Variants in MIA2 observed in about 807,000 individuals in gnomAD.
MIA2 encodes MIA SH3 domain ER export factor 2.
In MIA2, 127 loss-of-function variants were observed where a neutral mutation model predicts 167.8. That is an observed-to-expected ratio of 0.76 (90% CI 0.66 to 0.88). The LOEUF is 0.88. Among genes scored for constraint, MIA2 ranks in the 40% least tolerant of loss-of-function variants. The probability of loss-of-function intolerance (pLI) is 0.00; values close to 1 mark genes in which losing one functional copy is unlikely to be tolerated. For missense variants in MIA2, 1,690 were observed against 1,624.7 expected (o/e 1.04, Z -0.69); for synonymous variants, 552 against 541.9 (o/e 1.02, Z -0.26).
intron 6 of MIA2, among the ~76,000 whole-genome samples, chr14:39,256,130 C>T (rs1394016840): frequency 6.6e-6 from 1 of 152,114 alleles, no homozygotes; most frequent in African/African-American, 2.4e-5. Context: ...TTTTCTGGAG[C>T]AAAAAGAAAC....
intron 13 of MIA2, among the ~76,000 whole-genome samples, chr14:39,298,399 C>T (rs2061731924): frequency 1.3e-5 from 1 of 78,730 alleles, no homozygotes; most frequent in South Asian, 5.2e-4. Flanking sequence ...TTACCTGTAT[C>T]ATCTGATTCT....
intron 21 of MIA2, 87 bp from the exon 22 acceptor site, chr14:39,317,857 A>C (rs1008021333): frequency 2.8e-5 from 23 of 835,088 alleles, no homozygotes; most frequent in Non-Finnish European, 3.7e-5. Flanking sequence ...ATTTTTAAGA[A>C]ATTTAATGAA....
chr14:39,247,848 A>G lies in MIA2; in HGVS notation c.1274A>G (p.Gln425Arg). ...LTSELDPEKE[Q>R]EIETIKIIET... ...AGTGAATTAGACCCTGAAAAAGAAC[A>G]AGAAATAGAAACGATAAAAATTATA... is the stretch of plus-strand genomic sequence containing the variant. Residue 425 changes from glutamine (Q) to arginine (R), a missense_variant, in exon 4 of 29, where the codon CAA (glutamine) becomes CGA (arginine). By Grantham distance (43) the Gln-to-Arg change is conservative. Transcript: ENST00000640607. 2 of 1,588,434 alleles carry G rather than the reference A, an allele frequency of 1.3e-6. No individual in the cohort carries two copies. Among genetic ancestry groups the G allele is most frequent in the Non-Finnish European group, 8.5e-7 (1 of 1,173,864 alleles).
chr14:39,277,573 T>A (rs1213097504), intron 7 of MIA2, among the ~76,000 whole-genome samples: 2 of 148,836 alleles, frequency 1.3e-5, no homozygotes, highest in African/African-American at 4.9e-5. Context: ...GGTCTCAAAC[T>A]CCTGGGCTCA....
intron 23 of MIA2, among the ~76,000 whole-genome samples, chr14:39,377,134 G>T (rs1334246930): frequency 6.6e-6 from 1 of 151,866 alleles, no homozygotes; most frequent in Non-Finnish European, 1.5e-5. Flanking sequence ...TTGTGGCTAG[G>T]ACAGTTTATT....
At chr14:39,235,039 GT>G (rs1221496521) in intron 1 of MIA2, among the ~76,000 whole-genome samples, 3,016 of 144,138 alleles carry the variant, frequency 0.021, 106 homozygotes, top group African/African-American at 0.07. Flanking sequence ...TACCTTTTTG[GT>G]TTTTTTTTTT....
At chr14:39,341,669 A>C (rs1428244602) in intron 25 of MIA2, among the ~76,000 whole-genome samples, 1 of 152,134 alleles carries the variant, frequency 6.6e-6, no homozygotes, top group Non-Finnish European at 1.5e-5. Flanking sequence ...TCTGAAGAGA[A>C]AAAAAGGTAT....
chr14:39,376,555 G>A (rs1352781379), intron 23 of MIA2, among the ~76,000 whole-genome samples: 3 of 152,160 alleles, frequency 2.0e-5, no homozygotes, highest in Admixed American at 6.5e-5. Context: ...ATAAGAGAAT[G>A]TACTATTTCA....
At chr14:39,237,719 T>C (rs1172493065) in intron 2 of MIA2, among the ~76,000 whole-genome samples, 2 of 152,154 alleles carry the variant, frequency 1.3e-5, no homozygotes, top group African/African-American at 2.4e-5. Context: ...CATTTCTTGG[T>C]GCTGCCAATG....
chr14:39,267,518 G>T lies in MIA2; in HGVS notation c.1888-9416G>T, dbSNP rs777045235. 22 of 1,613,472 alleles carry T rather than the reference G, an allele frequency of 1.4e-5. 1 individual carries two copies. The South Asian group carries it at 1.8e-4, about 13-fold the overall frequency. On this transcript the variant is annotated intron_variant, in intron 6 of 28. Transcript: ENST00000640607. ...TTGGGGCTGCTCCTGGAGGAGCTAC[G>T]CAGGGTGAGCCCAGGCGCGATGAGT...
chr14:39,387,336 G>C (rs985515946), exon 24 of MIA2: 2 of 174,232 alleles, frequency 1.1e-5, no homozygotes, highest in African/African-American at 4.8e-5. Flanking sequence ...CCATGTTTAA[G>C]GAGTCCATTC....
intron 11 of MIA2, 69 bp downstream of exon 11, chr14:39,293,450 T>A: frequency 9.5e-7 from 1 of 1,054,212 alleles, no homozygotes. Context: ...ATTAATATGA[T>A]ACTGGTTAAA....
intron 1 of MIA2, among the ~76,000 whole-genome samples, chr14:39,235,898 TATA>T (rs1288936139): frequency 6.6e-6 from 1 of 152,214 alleles, no homozygotes; most frequent in African/African-American, 2.4e-5. Context: ...TATAGAAATT[TATA>T]ATGTTATTTT....
At chr14:39,349,862 A>C (rs1008888416) in intron 28 of MIA2, among the ~76,000 whole-genome samples, 7 of 152,170 alleles carry the variant, frequency 4.6e-5, no homozygotes, top group African/African-American at 1.7e-4. Context: ...TTTAAAAAAC[A>C]GGTGTTAAGA....
chr14:39,267,367 GGTTCCGGACCGAAGGCTGTGT>G, intron 6 of MIA2: 1 of 1,591,324 alleles, frequency 6.3e-7, no homozygotes, highest in Non-Finnish European at 8.5e-7. Context: ...TGCGGATTCG[GGTTCCGGACCGAAGGCTGTGT>G]GTTCTCCGCC....
intron 4 of MIA2, among the ~76,000 whole-genome samples, chr14:39,250,242 T>C (rs1261780759): frequency 6.6e-6 from 1 of 152,190 alleles, no homozygotes; most frequent in Non-Finnish European, 1.5e-5. Context: ...ACTCAAGGAA[T>C]ACAAAAGGAT....
chr14:39,279,488 T>C lies in MIA2; in HGVS notation c.2081T>C (p.Ile694Thr), dbSNP rs1245965032. The C allele has an allele frequency of 1.9e-6, 3 of 1,609,296 alleles. No individual in the cohort carries two copies. Among genetic ancestry groups the C allele is most frequent in the East Asian group, 2.2e-5 (1 of 44,782 alleles). The change falls in exon 9 of 29, where the codon ATT (isoleucine) becomes ACT (threonine). Residue 694 changes from isoleucine to threonine, a missense_variant. Coordinates refer to ENST00000640607, the MANE Select transcript of MIA2 (RefSeq NM_001329214.4). ...KKLALMLSGL[I>T]EEKSKLLEKF... ...CTTGCTCTAATGCTTTCTGGACTAA[T>C]TGAAGAAAAAAGTAAACTACTTGAA...
intron 9 of MIA2, among the ~76,000 whole-genome samples, chr14:39,285,062 G>A (rs1471998058): frequency 6.6e-6 from 1 of 152,194 alleles, no homozygotes; most frequent in Non-Finnish European, 1.5e-5. Flanking sequence ...AGAGCACAGG[G>A]TTGGGGGTAA....
chr14:39,298,779 A>G (rs1158165118), intron 13 of MIA2, among the ~76,000 whole-genome samples: 2 of 151,060 alleles, frequency 1.3e-5, no homozygotes, highest in African/African-American at 2.4e-5. Context: ...TTTTGCTACA[A>G]ATATTATGAG....
Sources: gnomAD v4.1 joint callset for allele counts (sites outside exome capture counted in the v4.1 genomes callset) on GRCh38, gnomAD v4.1.1 for gene constraint, MANE v1.5 for transcripts, NCBI Gene and HGNC (gene_info 2026-07-23, HGNC 2026-07-21) for gene names.